Variants in MAP4 observed in about 807,000 individuals in gnomAD.
MAP4 encodes the protein microtubule associated protein 4.
Under a neutral mutation model 170.2 loss-of-function variants are expected in MAP4, and 76 were observed. The observed-to-expected ratio is 0.45, with a 90% CI of 0.37 to 0.54. The LOEUF is 0.54. MAP4 is among the 20% of genes least tolerant of loss of function. The pLI is 0.00. For synonymous variants in MAP4, 909 were observed against 994.5 expected (o/e 0.91, Z 1.62); for missense variants, 2,506 against 2,748.0 (o/e 0.91, Z 1.97).
In MAP4 at chr3:47,871,338, T is replaced by C. The variant is rs778200881; in HGVS notation, c.5942-52A>G. 4 of 1,382,828 alleles carry C rather than the reference T, an allele frequency of 2.9e-6. No homozygotes were observed. The East Asian group carries it at 9.1e-5, about 32-fold the overall frequency. 85.7% of individuals were successfully genotyped at this position (1,382,828 alleles called of 1,614,324 possible). A position where few individuals can be genotyped will look rare whatever the true frequency, so the allele number is the denominator to read the frequency against. On this transcript the variant is annotated intron_variant, in intron 13 of 20. Coordinates refer to ENST00000683076, the MANE Select transcript of MAP4 (RefSeq NM_001385682.1). ...ACATTTAACAAACTGACCTGTTGGA[T>C]AGTTCATCCAATAGTGAGATTCCTC...
At chr3:47,869,433 A>G in intron 15 of MAP4, 106 bp from the exon 16 acceptor site, 1 of 726,368 alleles carries the variant, frequency 1.4e-6, no homozygotes, top group Non-Finnish European at 2.4e-6. Context: ...TCAGGCCACC[A>G]GGCAAAAGCA....
In MAP4 at chr3:47,851,297, AACCTCCACAAGGCACTGCT is replaced by A. The variant is rs1344348878; in HGVS notation, c.*1618_*1636del. ...TTGGGGAGCTAGGGACATGGTGTCA[AACCTCCACAAGGCACTGCT>A]ACCTCAGAAAGGGGGAGGACCTGTC... is the stretch of plus-strand genomic sequence containing the variant. On this transcript the variant is annotated 3_prime_UTR_variant, in exon 21 of 21. Coordinates refer to ENST00000683076, the MANE Select transcript of MAP4 (RefSeq NM_001385682.1). 8 of 152,348 alleles carry A rather than the reference AACCTCCACAAGGCACTGCT, an allele frequency of 5.3e-5. No individual in the cohort carries two copies. Among genetic ancestry groups the A allele is most frequent in the Non-Finnish European group, 1.2e-4 (8 of 68,056 alleles). 9.4% of individuals were successfully genotyped at this position (152,348 alleles called of 1,614,324 possible).
At chr3:47,966,093 C>T (rs2100074718) in intron 3 of MAP4, among the ~76,000 whole-genome samples, 1 of 151,864 alleles carries the variant, frequency 6.6e-6, no homozygotes, top group South Asian at 2.1e-4. Flanking sequence ...GAGGGAGAGA[C>T]AGGATTTCTC....
In MAP4 at chr3:47,914,836, C is replaced by G; in HGVS notation, c.1980G>C (p.Glu660Asp). 6.2e-7 allele frequency: 1 copy of G among 1,614,128 alleles called. No homozygotes were observed. Among genetic ancestry groups the G allele is most frequent in the Non-Finnish European group, 8.5e-7 (1 of 1,180,028 alleles). The change falls in exon 8 of 21, where the codon GAG becomes GAC. Residue 660 changes from glutamate to aspartate, a missense_variant. This residue lies in a region of MAP4 where 2,008 missense variants were observed against 2,206.0 expected (regional missense o/e 0.91). Coordinates refer to ENST00000683076, the MANE Select transcript of MAP4 (RefSeq NM_001385682.1). ...ERKPCNSQPS[E>D]LSSETSANFM... The stretch of plus-strand genomic sequence containing the variant: ...ACTTACCTGAGGTCTCTGAAGAAAG[C>G]TCAGAAGGTTGACTGTTGCATGGTT...
chr3:48,005,021 G>A (rs577020660), intron 1 of MAP4, among the ~76,000 whole-genome samples: 6 of 152,292 alleles, frequency 3.9e-5, no homozygotes, highest in African/African-American at 4.8e-5. Flanking sequence ...GGTCCCTAGA[G>A]GTGAGGTTGA....
chr3:47,887,305 C>T (rs889718892), intron 10 of MAP4, among the ~76,000 whole-genome samples: 2 of 152,258 alleles, frequency 1.3e-5, no homozygotes, highest in African/African-American at 4.8e-5. Context: ...TTGGAGCAGC[C>T]AGCCAGCCCT....
Position 48,015,354 on chromosome 3 carries a change from G to A in MAP4, c.-20+980C>T, listed in dbSNP as rs186093974. On this transcript the variant is annotated intron_variant, in intron 1 of 20. Transcript: ENST00000683076. Reference sequence around the variant, plus strand: ...TCTGGGTTAATGTTTTCTTTTATACGTTTGTTTTTGCATGACATTTAAATG... The same window carrying A: ...TCTGGGTTAATGTTTTCTTTTATACATTTGTTTTTGCATGACATTTAAATG... Among the ~76,000 whole-genome samples the A allele has an allele frequency of 2.6e-5, 4 of 152,138 alleles. No individual in the cohort carries two copies. The East Asian group carries it at 5.8e-4, about 22-fold the overall frequency.
At chr3:47,864,591 A>G (rs111368331) in intron 17 of MAP4, among the ~76,000 whole-genome samples, 264 of 152,142 alleles carry the variant, frequency 1.7e-3, no homozygotes, top group Middle Eastern at 6.8e-3. Flanking sequence ...GCAGGAGAAT[A>G]GCATCAATCC....
At chr3:47,929,297 A>C (rs2100047955) in intron 3 of MAP4, among the ~76,000 whole-genome samples, 1 of 152,186 alleles carries the variant, frequency 6.6e-6, no homozygotes, top group Non-Finnish European at 1.5e-5. Context: ...GGAAGGTTGC[A>C]GTGAGCCAAG....
At chr3:48,055,193 C>CGT in intron 1 of MAP4, among the ~76,000 whole-genome samples, 5 of 106,516 alleles carry the variant, frequency 4.7e-5, no homozygotes, top group Non-Finnish European at 8.3e-5. Flanking sequence ...TCTCCCTCTC[C>CGT]CTCTCCGTCT....
At chr3:48,028,058 A>G (rs2100114024) in intron 1 of MAP4, among the ~76,000 whole-genome samples, 1 of 151,798 alleles carries the variant, frequency 6.6e-6, no homozygotes. Context: ...TTGGGAGGCC[A>G]AGGTGGGCAG....
In MAP4 at chr3:47,879,752, T is replaced by C. The variant is rs145546891; in HGVS notation, c.5435-2229A>G. 1.4e-4 allele frequency among the ~76,000 whole-genome samples: 21 copies of C among 152,272 alleles called. No individual in the cohort carries two copies. The East Asian group carries it at 3.7e-3, about 27-fold the overall frequency. ...GCCTGGAGTGGCTGGTTACAATCAA[T>C]AGGGCTTCTTCATGTTACCCCTCTA... On this transcript the variant is annotated intron_variant, in intron 10 of 20. Transcript: ENST00000683076.
At chr3:47,948,125 G>A (rs2100061310) in intron 3 of MAP4, among the ~76,000 whole-genome samples, 1 of 151,282 alleles carries the variant, frequency 6.6e-6, no homozygotes, top group Non-Finnish European at 1.5e-5. Context: ...AGGCTCCCAA[G>A]TAGCTGGGAC....
intron 3 of MAP4, among the ~76,000 whole-genome samples, chr3:47,952,939 T>C (rs1387940123): frequency 6.6e-6 from 1 of 150,654 alleles, no homozygotes; most frequent in South Asian, 2.1e-4. Context: ...ATAAATAAAA[T>C]ACAAAAAAAA....
At chr3:47,887,234 C>T (rs1294770986) in intron 10 of MAP4, among the ~76,000 whole-genome samples, 1 of 152,206 alleles carries the variant, frequency 6.6e-6, no homozygotes. Context: ...ACCGGGGCTG[C>T]GCGCAGCACT....
At chr3:48,079,581 G>A (rs1419623017) in intron 1 of MAP4, among the ~76,000 whole-genome samples, 1 of 150,140 alleles carries the variant, frequency 6.7e-6, no homozygotes, top group Non-Finnish European at 1.5e-5. Flanking sequence ...CCTGAACCCA[G>A]GAGGCAGAGG....
chr3:47,891,210 G>A lies in MAP4; in HGVS notation c.5434+11740C>T, dbSNP rs371503635. On this transcript the variant is annotated intron_variant, in intron 10 of 20. Coordinates refer to ENST00000683076, the MANE Select transcript of MAP4 (RefSeq NM_001385682.1). The stretch of plus-strand genomic sequence containing the variant: ...CCTTTTTCCTTGCTGCTTCCTTCAG[G>A]AATCTGCTCCAGCTTACTATGGAGA... 25 of 1,535,950 alleles carry A rather than the reference G, an allele frequency of 1.6e-5. No individual in the cohort carries two copies. The African/African-American group carries it at 3.2e-4, about 19-fold the overall frequency.
In MAP4 at chr3:47,910,015, G is replaced by A. The variant is rs557883813; in HGVS notation, c.4406C>T (p.Ala1469Val). Residue 1469 changes from alanine to valine, a missense_variant, in exon 9 of 21, where the codon GCC becomes GTC. Coordinates refer to ENST00000683076, the MANE Select transcript of MAP4 (RefSeq NM_001385682.1). ...DTLAKNGQEIAPAQISKSLMV... is the reference protein window; with the variant it reads ...DTLAKNGQEIVPAQISKSLMV... Reference sequence around the variant, plus strand: ...TAATGATTTGGAAATCTGGGCTGGGGCTATCTCTTGCCCATTTTTTGCCAA... The same window carrying A: ...TAATGATTTGGAAATCTGGGCTGGGACTATCTCTTGCCCATTTTTTGCCAA... 1.9e-6 allele frequency: 3 copies of A among 1,613,862 alleles called. No homozygotes were observed. Among genetic ancestry groups the A allele is most frequent in the South Asian group, 1.1e-5 (1 of 91,086 alleles).
Position 47,855,123 on chromosome 3 carries a change from G to A in MAP4, c.6696+125C>T, listed in dbSNP as rs1576589896. 20 of 675,324 alleles carry A rather than the reference G, an allele frequency of 3.0e-5. No homozygotes were observed. Among genetic ancestry groups the A allele is most frequent in the Non-Finnish European group, 5.4e-5 (20 of 370,624 alleles). The allele number at this position is 675,324 out of a possible 1,614,324, so 41.8% of individuals were successfully genotyped here. On this transcript the variant is annotated intron_variant, in intron 19 of 20. Transcript: ENST00000683076. This position sits in a 1 kb window ranked among gnomAD's most constrained non-coding sequence, Gnocchi z 5.1. The stretch of plus-strand genomic sequence containing the variant: ...ACGGTGGGAAAACGGCAATGGTGTG[G>A]GTGAAGACATGACTCCTGAAGAGAC...
Sources: gnomAD v4.1 joint callset for allele counts (sites outside exome capture counted in the v4.1 genomes callset) on GRCh38, gnomAD v4.1.1 for gene constraint, gnomAD v4.1.1 regional missense constraint, Gnocchi (gnomAD v3.1) non-coding constraint, MANE v1.5 for transcripts, NCBI Gene and HGNC (gene_info 2026-07-23, HGNC 2026-07-21) for gene names.